ECHDC3: variants seen among roughly 807,000 people sequenced by gnomAD.
ECHDC3 encodes enoyl-CoA hydratase domain containing 3.
ECHDC3 carries 20 observed loss-of-function variants against 17.9 expected under a neutral mutation model. The ratio of observed to expected loss-of-function variants is 1.12; its 90% CI spans 0.79 to 1.63. The LOEUF (loss-of-function observed/expected upper bound fraction) is 1.63, where lower values mean the gene tolerates loss of function less well. Among genes scored for constraint, ECHDC3 ranks in the 40% most tolerant of loss-of-function variants. The pLI, the probability that ECHDC3 is intolerant of heterozygous loss-of-function variation, is 0.00. For missense variants in ECHDC3, 407 were observed against 357.7 expected (o/e 1.14, Z -1.11); for synonymous variants, 177 against 149.7 (o/e 1.18, Z -1.33).
In ECHDC3 at chr10:11,755,862, G is replaced by A. The variant is rs559577231; in HGVS notation, c.591+254G>A. On this transcript the variant is annotated intron_variant, in intron 4 of 4. Coordinates refer to ENST00000379215, the MANE Select transcript of ECHDC3 (RefSeq NM_024693.5). ...TGAAATCACTGCATTTCCATCATGC[G>A]TACCCTCAGTACCACTGGGTAGGTT... 7.1e-5 allele frequency: 32 copies of A among 451,708 alleles called. No individual in the cohort carries two copies. The East Asian group carries it at 1.2e-3, about 17-fold the overall frequency. 28.0% of individuals were successfully genotyped at this position (451,708 alleles called of 1,614,324 possible).
In ECHDC3 at chr10:11,747,355, C is replaced by G. The variant is rs755742519; in HGVS notation, c.177C>G (p.Ile59Met). 2.2e-5 allele frequency: 36 copies of G among 1,613,692 alleles called. No homozygotes were observed. Among genetic ancestry groups the G allele is most frequent in the Middle Eastern group, 1.7e-4 (1 of 6,044 alleles). ...TGTAAAATGTTCTTCACAGGAACAT[C>G]GTCTTGAGCAATCCCAAGAAGAGGA... Reference protein sequence around the residue: ...SARQLDGIRNIVLSNPKKRNA... With the variant: ...SARQLDGIRNMVLSNPKKRNA... The change falls in exon 2 of 5, where the codon ATC (isoleucine) becomes ATG (methionine). Residue 59 changes from isoleucine to methionine, a missense_variant. Ile to Met is a conservative substitution (Grantham distance 10, BLOSUM62 1). Transcript: ENST00000379215.
chr10:11,749,383 C>A, intron 2 of ECHDC3, 112 bp from the exon 3 acceptor site: 1 of 923,768 alleles, frequency 1.1e-6, no homozygotes, highest in Non-Finnish European at 1.6e-6. Context: ...CATTAACTTG[C>A]TCTAAGTGAA....
chr10:11,762,195 G>A (rs1832961297), intron 4 of ECHDC3, among the ~76,000 whole-genome samples: 1 of 152,212 alleles, frequency 6.6e-6, no homozygotes, highest in African/African-American at 2.4e-5. Flanking sequence ...GTAGCCAGAC[G>A]GGAGTCGCAT....
At chr10:11,758,770 C>A (rs527898452) in intron 4 of ECHDC3, among the ~76,000 whole-genome samples, 26 of 152,350 alleles carry the variant, frequency 1.7e-4, no homozygotes, top group Non-Finnish European at 3.5e-4. Context: ...AGGGACAGAC[C>A]CTGCTGGTGC....
chr10:11,745,009 A>G (rs1832745014), intron 1 of ECHDC3, among the ~76,000 whole-genome samples: 1 of 152,244 alleles, frequency 6.6e-6, no homozygotes, highest in Non-Finnish European at 1.5e-5. Context: ...CTAGTAGCCC[A>G]CGAAAGAAGT....
At chr10:11,759,371 CAAA>C (rs71513303) in intron 4 of ECHDC3, among the ~76,000 whole-genome samples, 5 of 74,286 alleles carry the variant, frequency 6.7e-5, no homozygotes, top group Admixed American at 1.5e-4. Context: ...AAAAAAAAAA[CAAA>C]AAAAAAAAAC....
Position 11,763,734 on chromosome 10 carries a change from G to A in ECHDC3, c.*190G>A, listed in dbSNP as rs1033999768. 8 of 1,402,348 alleles carry A rather than the reference G, an allele frequency of 5.7e-6. No homozygotes were observed. The highest frequency in any genetic ancestry group is 4.3e-5 in the African/African-American group (3 of 69,066). 86.9% of individuals were successfully genotyped at this position (1,402,348 alleles called of 1,614,324 possible). A position where few individuals can be genotyped will look rare whatever the true frequency, so the allele number is the denominator to read the frequency against. On this transcript the variant is annotated 3_prime_UTR_variant, in exon 5 of 5. Transcript: ENST00000379215. This position sits in a 1 kb window ranked among gnomAD's most constrained non-coding sequence, Gnocchi z 4.9. ...AAAGGACAAAATGGAGAGTGACTGA[G>A]GTGCTGACCTCAGTGCAAGGCTGGT...
At chr10:11,745,759 A>G (rs1012106411) in intron 1 of ECHDC3, among the ~76,000 whole-genome samples, 2 of 152,260 alleles carry the variant, frequency 1.3e-5, no homozygotes, top group African/African-American at 2.4e-5. Flanking sequence ...TATAAAATAT[A>G]TAATAACAAT....
At chr10:11,756,201 G>T (rs1401304983) in intron 4 of ECHDC3, among the ~76,000 whole-genome samples, 1 of 152,212 alleles carries the variant, frequency 6.6e-6, no homozygotes, top group Non-Finnish European at 1.5e-5. Context: ...GTGTTGCAAA[G>T]TGGTTTTGTT....
chr10:11,762,108 CT>C (rs1832960531), intron 4 of ECHDC3, among the ~76,000 whole-genome samples: 1 of 151,120 alleles, frequency 6.6e-6, no homozygotes, highest in Non-Finnish European at 1.5e-5. Flanking sequence ...AGTTTACATG[CT>C]ACAAAGGACA....
At chr10:11,750,350 A>G (rs1832810492) in intron 3 of ECHDC3, among the ~76,000 whole-genome samples, 1 of 152,230 alleles carries the variant, frequency 6.6e-6, no homozygotes, top group African/African-American at 2.4e-5. Flanking sequence ...AATAAATGGA[A>G]TAACAATAAT....
At chr10:11,751,528 C>A (rs1832822959) in intron 3 of ECHDC3, among the ~76,000 whole-genome samples, 1 of 152,224 alleles carries the variant, frequency 6.6e-6, no homozygotes, top group Non-Finnish European at 1.5e-5. Context: ...CTAGATATTT[C>A]ATTGTTCAGT....
intron 3 of ECHDC3, among the ~76,000 whole-genome samples, chr10:11,753,394 A>G (rs1357762373): frequency 6.6e-6 from 1 of 152,138 alleles, no homozygotes; most frequent in Non-Finnish European, 1.5e-5. Context: ...AAAAAAATTA[A>G]TAATTATATG....
chr10:11,748,401 T>C (rs891412285), intron 2 of ECHDC3, among the ~76,000 whole-genome samples: 1 of 152,148 alleles, frequency 6.6e-6, no homozygotes, highest in Non-Finnish European at 1.5e-5. Flanking sequence ...TAATTTTTTA[T>C]TTTTTGTGGA....
intron 3 of ECHDC3, among the ~76,000 whole-genome samples, chr10:11,753,380 CA>C (rs576730098): frequency 5.6e-4 from 83 of 148,060 alleles, no homozygotes; most frequent in South Asian, 1.5e-3. Context: ...AAGTCTGTTT[CA>C]AAAAAAAAAT....
chr10:11,746,470 G>A (rs963115219), intron 1 of ECHDC3, among the ~76,000 whole-genome samples: 1 of 152,034 alleles, frequency 6.6e-6, no homozygotes, highest in African/African-American at 2.4e-5. Context: ...AACTAAAAGA[G>A]TATCATTGGA....
At chr10:11,747,255 G>C in intron 1 of ECHDC3, 94 bp from the exon 2 acceptor site, 1 of 1,519,814 alleles carries the variant, frequency 6.6e-7, no homozygotes, top group Non-Finnish European at 8.9e-7. Context: ...TTTCTTGTCT[G>C]TTAAAAATAC....
chr10:11,745,866 C>T (rs1181462328), intron 1 of ECHDC3, among the ~76,000 whole-genome samples: 1 of 152,194 alleles, frequency 6.6e-6, no homozygotes, highest in African/African-American at 2.4e-5. Flanking sequence ...TTTTATTCAG[C>T]ATGTGGGATG....
Position 11,763,862 on chromosome 10 carries a change from C to G in ECHDC3, c.*318C>G. ...CCCGACATAGCAAAAGGTGGCAACC[C>G]ATGGAGGCAGAAAGAAGGACGCCAG... On this transcript the variant is annotated 3_prime_UTR_variant, in exon 5 of 5. Coordinates refer to ENST00000379215, the MANE Select transcript of ECHDC3 (RefSeq NM_024693.5). The surrounding 1 kb of genome is among the most constrained non-coding windows in gnomAD (Gnocchi z 4.9). 9.2e-7 allele frequency: 1 copy of G among 1,087,522 alleles called. No homozygotes were observed. 67.4% of individuals were successfully genotyped at this position (1,087,522 alleles called of 1,614,324 possible).
Sources: allele counts gnomAD v4.1 joint callset (sites outside exome capture counted in the v4.1 genomes callset), GRCh38; gene constraint gnomAD v4.1.1; non-coding constraint Gnocchi (gnomAD v3.1); transcripts MANE v1.5; gene names NCBI Gene and HGNC (gene_info 2026-07-23, HGNC 2026-07-21).